The following LYST variants were observed in gnomAD, a reference collection of about 807,000 sequenced individuals.
LYST encodes lysosomal-trafficking regulator.
In LYST, 192 loss-of-function variants were observed where a neutral mutation model predicts 413.6. The observed-to-expected ratio is 0.46, with a 90% CI of 0.41 to 0.52. The LOEUF (loss-of-function observed/expected upper bound fraction) is 0.52, where lower values mean the gene tolerates loss of function less well. LYST is among the 20% of genes least tolerant of loss of function. LYST has a pLI of 0.00. For synonymous variants in LYST, 1,525 were observed against 1,567.3 expected (o/e 0.97, Z 0.64); for missense variants, 3,815 against 4,499.9 (o/e 0.85, Z 4.35).
chr1:235,718,193 G>GT (rs1558147758), intron 40 of LYST, among the ~76,000 whole-genome samples: 9 of 123,362 alleles, frequency 7.3e-5, no homozygotes, highest in Admixed American at 3.0e-4. Context: ...TATAAATAGG[G>GT]GTTTTTTTTT....
intron 28 of LYST, among the ~76,000 whole-genome samples, 175 bp downstream of exon 28, chr1:235,751,035 T>A (rs1398861733): frequency 6.6e-6 from 1 of 152,142 alleles, no homozygotes; most frequent in African/African-American, 2.4e-5. Context: ...GCTCAAGAAA[T>A]AACTGAATGA....
Position 235,697,089 on chromosome 1 carries a change from C to T in LYST, c.10558G>A (p.Glu3520Lys). 1.2e-6 allele frequency: 2 copies of T among 1,613,656 alleles called. No individual in the cohort carries two copies. The highest frequency in any genetic ancestry group is 1.7e-6 in the Non-Finnish European group (2 of 1,179,598). ...NFCLLMTYSK[E>K]QGVRSMNSTD... is the part of the protein sequence containing the mutation. ...TCGTTACATTTTATTTTACCTTGTT[C>T]CTTGCTATATGTCATCAGAAGACAG... Residue 3520 changes from glutamate to lysine, a missense_variant, in exon 46 of 53, where the codon GAA becomes AAA. Glu to Lys is a moderately conservative substitution (Grantham distance 56). Around this residue, in one of 4 missense-constraint regions of LYST, gnomAD observed 866 missense variants for 1,156.0 expected, o/e 0.75. Coordinates refer to ENST00000389793, the MANE Select transcript of LYST (RefSeq NM_000081.4).
At chr1:235,716,577 T>C in intron 41 of LYST, 135 bp downstream of exon 41, 1 of 619,814 alleles carries the variant, frequency 1.6e-6, no homozygotes, top group Admixed American at 2.9e-5. Context: ...CACATAATGA[T>C]TTCTAGTTGT....
intron 8 of LYST, among the ~76,000 whole-genome samples, 170 bp from the exon 9 acceptor site, chr1:235,801,267 T>C (rs1672185442): frequency 6.6e-6 from 1 of 152,208 alleles, no homozygotes; most frequent in Non-Finnish European, 1.5e-5. Context: ...ATGGAAATTT[T>C]GAAGATTAAT....
At chr1:235,815,592 G>C (rs1673965656) in intron 3 of LYST, among the ~76,000 whole-genome samples, 1 of 152,096 alleles carries the variant, frequency 6.6e-6, no homozygotes, top group African/African-American at 2.4e-5. Context: ...CAAAGTCTTA[G>C]GCTACAAAAT....
intron 1 of LYST, among the ~76,000 whole-genome samples, chr1:235,845,813 C>G (rs1391296933): frequency 6.6e-6 from 1 of 152,074 alleles, no homozygotes; most frequent in Non-Finnish European, 1.5e-5. Flanking sequence ...ACCCCCAATT[C>G]CCCACAGCAG....
Position 235,766,088 on chromosome 1 carries a change from A to G in LYST, c.6112T>C (p.Leu2038=). ...CHNPTNFYFS[L]HIDGKIFQEK... ...AAATGATTATACCTACCTATGTGCA[A>G]AGAAAAGTAGAAGTTCGTGGGATTG... The change falls in exon 21 of 53, where the codon TTG becomes CTG. Residue 2038 remains leucine, a synonymous_variant. Transcript: ENST00000389793. 1 of 1,612,468 alleles carries G rather than the reference A, an allele frequency of 6.2e-7. No individual in the cohort carries two copies. The highest frequency in any genetic ancestry group is 2.2e-5 in the East Asian group (1 of 44,850).
At chr1:235,843,146 C>T (rs1238370361) in intron 1 of LYST, among the ~76,000 whole-genome samples, 1 of 152,020 alleles carries the variant, frequency 6.6e-6, no homozygotes, top group Non-Finnish European at 1.5e-5. Flanking sequence ...GCTGAGTTTC[C>T]TTTTCAATAA....
chr1:235,704,332 A>C (rs1243696483), intron 44 of LYST, among the ~76,000 whole-genome samples: 1 of 152,206 alleles, frequency 6.6e-6, no homozygotes, highest in Non-Finnish European at 1.5e-5. Flanking sequence ...GAATCACCAC[A>C]CTGCCTTCCA....
In LYST at chr1:235,720,669, C is replaced by A. The variant is rs556200563; in HGVS notation, c.9552G>T (p.Leu3184Phe). ...VSETLDLNDLLIYRNLSKPIA... is the reference protein window; with the variant it reads ...VSETLDLNDLFIYRNLSKPIA... The stretch of plus-strand genomic sequence containing the variant: ...TGATTCTTTTAACTTACCTGTATAT[C>A]AACAGATCATTGAGGTCAAGTGTCT... The change falls in exon 40 of 53, where the codon TTG (leucine) becomes TTT (phenylalanine). Residue 3184 changes from leucine to phenylalanine, a missense_variant. Leu to Phe is a conservative substitution (Grantham distance 22, BLOSUM62 0). Transcript: ENST00000389793. The A allele has an allele frequency of 2.1e-4, 332 of 1,613,498 alleles. 3 individuals carry two copies. The highest frequency in any genetic ancestry group is 1.4e-3 in the South Asian group (132 of 91,060).
intron 20 of LYST, among the ~76,000 whole-genome samples, chr1:235,768,923 C>T (rs1668393950): frequency 6.6e-6 from 1 of 151,992 alleles, no homozygotes; most frequent in East Asian, 1.9e-4. Flanking sequence ...CCAAGAAAGG[C>T]AATAAAATGT....
intron 1 of LYST, among the ~76,000 whole-genome samples, chr1:235,865,045 A>G (rs1397905505): frequency 6.6e-6 from 1 of 152,182 alleles, no homozygotes; most frequent in African/African-American, 2.4e-5. Flanking sequence ...CTAATCTCCC[A>G]CCACACTCAC....
chr1:235,712,608 T>A (rs1662483794), intron 42 of LYST: 1 of 984,422 alleles, frequency 1.0e-6, no homozygotes, highest in African/African-American at 1.7e-5. Flanking sequence ...AGGCAAACAG[T>A]TTTTTCCCCA....
chr1:235,817,207 G>GA (rs977677239), intron 3 of LYST, among the ~76,000 whole-genome samples: 12 of 149,626 alleles, frequency 8.0e-5, no homozygotes, highest in African/African-American at 2.9e-4. Flanking sequence ...TATTAAAAAT[G>GA]AAAAAAAGAA....
intron 47 of LYST, among the ~76,000 whole-genome samples, chr1:235,690,800 G>A (rs1445636036): frequency 6.6e-6 from 1 of 152,180 alleles, no homozygotes; most frequent in Non-Finnish European, 1.5e-5. Flanking sequence ...TGAATGGTAA[G>A]AGAACTTCCC....
At position 235,741,312 on chromosome 1, in the gene LYST, T is replaced by C. The variant is rs1475555686; in HGVS notation, c.8358+110A>G. 123 of 998,588 alleles carry C rather than the reference T, an allele frequency of 1.2e-4. 2 individuals are homozygous for C. In the South Asian group the frequency reaches 1.4e-3, roughly 12 times the overall value. 61.9% of individuals were successfully genotyped at this position (998,588 alleles called of 1,614,324 possible). On this transcript the variant is annotated intron_variant, in intron 31 of 52. Coordinates refer to ENST00000389793, the MANE Select transcript of LYST (RefSeq NM_000081.4). Reference sequence around the variant, plus strand: ...GGTTAAATTTGCTTGGTAAGAAAATTATATTTATAAATTAGGCATGAACAT... The same window carrying C: ...GGTTAAATTTGCTTGGTAAGAAAATCATATTTATAAATTAGGCATGAACAT...
intron 8 of LYST, 149 bp from the exon 9 acceptor site, chr1:235,801,246 T>C: frequency 1.6e-6 from 1 of 636,480 alleles, no homozygotes; most frequent in South Asian, 1.8e-5. Context: ...AACACAACTT[T>C]TGACAATGAT....
At chr1:235,804,803 T>C in intron 6 of LYST, 138 bp from the exon 7 acceptor site, 1 of 612,164 alleles carries the variant, frequency 1.6e-6, no homozygotes, top group African/African-American at 1.8e-5. Flanking sequence ...AAAATGACTA[T>C]ATAAATATCT....
At chr1:235,698,715 C>T (rs1325564972) in intron 45 of LYST, among the ~76,000 whole-genome samples, 1 of 151,884 alleles carries the variant, frequency 6.6e-6, no homozygotes, top group Admixed American at 6.6e-5. Context: ...ACTAAAAATA[C>T]AAAAAAATTT....
Sources: gnomAD v4.1 joint callset for allele counts (sites outside exome capture counted in the v4.1 genomes callset) on GRCh38, gnomAD v4.1.1 for gene constraint, gnomAD v4.1.1 regional missense constraint, MANE v1.5 for transcripts, NCBI Gene and HGNC (gene_info 2026-07-23, HGNC 2026-07-21) for gene names.